TYK2: variants seen among roughly 807,000 people sequenced by gnomAD.
The protein encoded by TYK2 is non-receptor tyrosine-protein kinase TYK2.
In TYK2, 65 loss-of-function variants were observed where a neutral mutation model predicts 130.9. That is an observed-to-expected ratio of 0.50 (90% CI 0.41 to 0.61). The LOEUF (loss-of-function observed/expected upper bound fraction) is 0.61, where lower values mean the gene tolerates loss of function less well. TYK2 is among the 20% of genes least tolerant of loss of function. TYK2 has a pLI of 0.00. For synonymous variants in TYK2, 647 were observed against 658.9 expected (o/e 0.98, Z 0.28); for missense variants, 1,378 against 1,610.7 (o/e 0.86, Z 2.47).
At chr19:10,354,716 A>G (rs1199489806) in intron 18 of TYK2, 107 bp from the exon 19 acceptor site, 1 of 922,802 alleles carries the variant, frequency 1.1e-6, no homozygotes, top group African/African-American at 1.6e-5. Context: ...CCGATTCTAG[A>G]GGTAAGAAAA....
In TYK2 at chr19:10,362,085, A is replaced by G; in HGVS notation, c.1766T>C (p.Ile589Thr). 1 of 1,613,900 alleles carries G rather than the reference A, an allele frequency of 6.2e-7. No homozygotes were observed. Among genetic ancestry groups the G allele is most frequent in the South Asian group, 1.1e-5 (1 of 91,066 alleles). ...LSFHRVDQKE[I>T]TQLSHLGQGT... is the part of the protein sequence containing the mutation. ...CCCCTTCCCTGCACCCACCTGGGTG[A>G]TCTCCTTCTGGTCAACCCGGTGGAA... Residue 589 changes from isoleucine (I) to threonine (T), a missense_variant, in exon 12 of 25, where the codon ATC (isoleucine) becomes ACC (threonine). Physicochemically the swap from Ile to Thr is moderately conservative, Grantham distance 89. Coordinates refer to ENST00000525621, the MANE Select transcript of TYK2 (RefSeq NM_003331.5).
In TYK2 at chr19:10,364,829, C is replaced by G; in HGVS notation, c.1209+22G>C. On this transcript the variant is annotated intron_variant, in intron 8 of 24. Transcript: ENST00000525621. This position sits in a 1 kb window ranked among gnomAD's most constrained non-coding sequence, Gnocchi z 4.9. Reference sequence around the variant, plus strand: ...TCCCAGGCCATGATGGGCCCTAGCCCAGCCCCTACCCTGGGCCTCACCAGG... The same window carrying G: ...TCCCAGGCCATGATGGGCCCTAGCCGAGCCCCTACCCTGGGCCTCACCAGG... 1 of 1,614,010 alleles carries G rather than the reference C, an allele frequency of 6.2e-7. No individual in the cohort carries two copies. The highest frequency in any genetic ancestry group is 8.5e-7 in the Non-Finnish European group (1 of 1,180,048).
At chr19:10,366,720 A>C in intron 5 of TYK2, 140 bp from the exon 6 acceptor site, 1 of 683,494 alleles carries the variant, frequency 1.5e-6, no homozygotes. Context: ...AACACTAATG[A>C]TAGCTGATGA....
In TYK2 at chr19:10,378,778, C is replaced by T. The variant is rs774146223; in HGVS notation, c.-20-352G>A. On this transcript the variant is annotated intron_variant, in intron 2 of 24. Coordinates refer to ENST00000525621, the MANE Select transcript of TYK2 (RefSeq NM_003331.5). ...AGAGGATTGCTTGAGCCCAGGAGCT[C>T]GAGACCAGCCTAGGCCATATAGCAA... 2.0e-5 allele frequency among the ~76,000 whole-genome samples: 3 copies of T among 151,810 alleles called. No homozygotes were observed. In the East Asian group the frequency reaches 5.8e-4, roughly 30 times the overall value.
At chr19:10,378,893 A>G (rs895932609) in intron 2 of TYK2, among the ~76,000 whole-genome samples, 11 of 148,942 alleles carry the variant, frequency 7.4e-5, no homozygotes, top group Admixed American at 4.8e-4. Context: ...TTTGAGACAG[A>G]GTTTCACTCT....
At chr19:10,354,411 C>A (rs935002411) in intron 19 of TYK2, 101 bp downstream of exon 19, 3 of 1,381,964 alleles carry the variant, frequency 2.2e-6, no homozygotes, top group South Asian at 1.2e-5. Context: ...GAGGGTCCCA[C>A]CCACATCTCC....
chr19:10,379,125 C>T lies in TYK2; in HGVS notation c.-21+490G>A, dbSNP rs1425288806. Among the ~76,000 whole-genome samples, 3 of 151,490 alleles carry T rather than the reference C, an allele frequency of 2.0e-5. No individual in the cohort carries two copies. The East Asian group carries it at 6.0e-4, about 30-fold the overall frequency. On this transcript the variant is annotated intron_variant, in intron 2 of 24. Coordinates refer to ENST00000525621, the MANE Select transcript of TYK2 (RefSeq NM_003331.5). Reference sequence around the variant, plus strand: ...CCACCCGCCTCGGCCTCCCAAAGTGCTGGGATTACAGGCGTGAGCCACTGT... The same window carrying T: ...CCACCCGCCTCGGCCTCCCAAAGTGTTGGGATTACAGGCGTGAGCCACTGT...
chr19:10,366,684 G>T, intron 5 of TYK2, 104 bp from the exon 6 acceptor site: 3 of 1,175,116 alleles, frequency 2.6e-6, no homozygotes, highest in Non-Finnish European at 3.8e-6. Context: ...TGGAAGAAGT[G>T]TCTTGGGCCC....
chr19:10,353,587 G>C lies in TYK2; in HGVS notation c.2968C>G (p.Leu990Val). ...GCCAGCCCGATGCTGTGCCGGGGCA[G>C]GTAGTCTCGGAGGCTGCCCAGGGGC... is the stretch of plus-strand genomic sequence containing the variant. Reference protein sequence around the residue: ...YVPLGSLRDYLPRHSIGLAQL... With the variant: ...YVPLGSLRDYVPRHSIGLAQL... The change falls in exon 21 of 25, where the codon CTG becomes GTG. Residue 990 changes from leucine to valine, a missense_variant. Coordinates refer to ENST00000525621, the MANE Select transcript of TYK2 (RefSeq NM_003331.5). The surrounding 1 kb of genome is among the most constrained non-coding windows in gnomAD (Gnocchi z 6.9). 1 of 1,490,764 alleles carries C rather than the reference G, an allele frequency of 6.7e-7. No individual in the cohort carries two copies. The highest frequency in any genetic ancestry group is 9.0e-7 in the Non-Finnish European group (1 of 1,117,082). The allele number at this position is 1,490,764 out of a possible 1,614,324, so 92.3% of individuals were successfully genotyped here.
chr19:10,354,971 G>A (rs1340866431), intron 18 of TYK2, among the ~76,000 whole-genome samples: 1 of 149,038 alleles, frequency 6.7e-6, no homozygotes, highest in African/African-American at 2.5e-5. Context: ...TAGGAGGATC[G>A]TTTGAGCCCA....
Position 10,364,155 on chromosome 19 carries a change from G to A in TYK2, c.1367+459C>T, listed in dbSNP as rs964439892. On this transcript the variant is annotated intron_variant, in intron 9 of 24. Coordinates refer to ENST00000525621, the MANE Select transcript of TYK2 (RefSeq NM_003331.5). This position sits in a 1 kb window ranked among gnomAD's most constrained non-coding sequence, Gnocchi z 4.9. ...AACATACGCCTGAATGGTCACCAGC[G>A]TCAGGGTAACACACAGTCCCATGAA... is the stretch of plus-strand genomic sequence containing the variant. Among the ~76,000 whole-genome samples, 1 of 152,212 alleles carries A rather than the reference G, an allele frequency of 6.6e-6. No homozygotes were observed. The highest frequency in any genetic ancestry group is 2.1e-4 in the South Asian group (1 of 4,828).
At chr19:10,362,990 C>T (rs1234116616) in intron 9 of TYK2, among the ~76,000 whole-genome samples, 1 of 152,080 alleles carries the variant, frequency 6.6e-6, no homozygotes, top group Admixed American at 6.6e-5. Flanking sequence ...GCCTCAACAC[C>T]TCAACCTCCC....
chr19:10,370,420 AGGACAATCGCTTGAAC>A (rs2041864525), intron 3 of TYK2, among the ~76,000 whole-genome samples: 1 of 151,432 alleles, frequency 6.6e-6, no homozygotes, highest in Non-Finnish European at 1.5e-5. Flanking sequence ...AGGTTGACGC[AGGACAATCGCTTGAAC>A]CCGGGAGGTG....
intron 3 of TYK2, among the ~76,000 whole-genome samples, chr19:10,369,503 T>C (rs1205154837): frequency 1.3e-5 from 2 of 152,082 alleles, no homozygotes; most frequent in Non-Finnish European, 2.9e-5. Flanking sequence ...GGATTATGGC[T>C]ATGAGCCAGG....
Position 10,359,161 on chromosome 19 carries a change from C to G in TYK2, c.2175+14G>C. 1 of 1,600,582 alleles carries G rather than the reference C, an allele frequency of 6.2e-7. No individual in the cohort carries two copies. Among genetic ancestry groups the G allele is most frequent in the Non-Finnish European group, 8.5e-7 (1 of 1,179,798 alleles). On this transcript the variant is annotated intron_variant, in intron 15 of 24. Transcript: ENST00000525621. ...CTCCCTGACCGACCCAGGCCCCACA[C>G]ACAGGCCACACACCAGGTAGCTGAG...
At chr19:10,366,101 G>C (rs1449308395) in intron 6 of TYK2, among the ~76,000 whole-genome samples, 1 of 152,140 alleles carries the variant, frequency 6.6e-6, no homozygotes, top group Non-Finnish European at 1.5e-5. Context: ...TCAGGAGTTC[G>C]AGACCAGCCT....
At chr19:10,368,025 A>G (rs2041744879) in intron 5 of TYK2, 30 bp downstream of exon 5, 1 of 1,613,764 alleles carries the variant, frequency 6.2e-7, no homozygotes, top group African/African-American at 1.3e-5. Context: ...TCTCCCACAA[A>G]TAGTCTTGCC....
intron 18 of TYK2, among the ~76,000 whole-genome samples, chr19:10,355,391 A>G (rs1214339875): frequency 6.6e-6 from 1 of 151,736 alleles, no homozygotes; most frequent in Non-Finnish European, 1.5e-5. Context: ...TGTAATCCCA[A>G]CACTTTGGGA....
At chr19:10,358,294 GT>G (rs770531180) in intron 15 of TYK2, among the ~76,000 whole-genome samples, 156 bp from the exon 16 acceptor site, 9,455 of 91,414 alleles carry the variant, frequency 0.1, 370 homozygotes, top group Middle Eastern at 0.17. Context: ...TTTTTTTCTT[GT>G]TTTTTTTTTT....
Sources: allele counts gnomAD v4.1 joint callset (sites outside exome capture counted in the v4.1 genomes callset), GRCh38; gene constraint gnomAD v4.1.1; non-coding constraint Gnocchi (gnomAD v3.1); transcripts MANE v1.5; gene names NCBI Gene and HGNC (gene_info 2026-07-23, HGNC 2026-07-21).